Variants in CDH12 observed in about 807,000 individuals in gnomAD.
CDH12 encodes cadherin-12.
In CDH12, 41 loss-of-function variants were observed where a neutral mutation model predicts 74.1. The observed-to-expected ratio is 0.55, with a 90% confidence interval of 0.43 to 0.72. The LOEUF (loss-of-function observed/expected upper bound fraction) is 0.72. Among genes scored for constraint, CDH12 ranks in the 30% least tolerant of loss-of-function variants. The probability of loss-of-function intolerance (pLI) is 0.00; values close to 1 mark genes in which losing one functional copy is unlikely to be tolerated. For synonymous variants in CDH12, 399 were observed against 355.0 expected (o/e 1.12, Z -1.39); for missense variants, 945 against 977.2 (o/e 0.97, Z 0.44).
intron 2 of CDH12, among the ~76,000 whole-genome samples, chr5:22,429,953 AAG>A (rs1171645360): frequency 1.3e-5 from 2 of 152,196 alleles, no homozygotes; most frequent in African/African-American, 4.8e-5. Flanking sequence ...TGAAAGCTGA[AAG>A]AGATTAATAT....
At chr5:22,297,630 T>A (rs1473564095) in intron 3 of CDH12, among the ~76,000 whole-genome samples, 3 of 152,222 alleles carry the variant, frequency 2.0e-5, no homozygotes, top group Non-Finnish European at 4.4e-5. Flanking sequence ...TGTATTTGTA[T>A]TCCTAATTAA....
chr5:22,761,693 A>C (rs2127056572), intron 1 of CDH12, among the ~76,000 whole-genome samples: 1 of 152,288 alleles, frequency 6.6e-6, no homozygotes, highest in South Asian at 2.1e-4. Context: ...CATCTGGAAA[A>C]GCAATTTTTC....
intron 4 of CDH12, among the ~76,000 whole-genome samples, chr5:22,082,695 A>G (rs938737808): frequency 2.0e-5 from 3 of 152,352 alleles, no homozygotes; most frequent in African/African-American, 7.2e-5. Context: ...ATTCACCAAC[A>G]CATAAACAGT....
chr5:21,846,801 C>A (rs748436186), intron 7 of CDH12, among the ~76,000 whole-genome samples: 1 of 152,068 alleles, frequency 6.6e-6, no homozygotes, highest in East Asian at 1.9e-4. Context: ...CCTGGGGAGG[C>A]AAGTCCAGGC....
intron 1 of CDH12, among the ~76,000 whole-genome samples, chr5:22,618,778 T>C (rs192699206): frequency 4.2e-4 from 64 of 152,204 alleles, no homozygotes; most frequent in Non-Finnish European, 7.6e-4. Context: ...ATAATTCCCA[T>C]GTGTCATGGG....
intron 1 of CDH12, among the ~76,000 whole-genome samples, chr5:22,727,999 G>A (rs75085648): frequency 0.03 from 4,618 of 151,438 alleles, 101 homozygotes; most frequent in South Asian, 0.08. Flanking sequence ...ATAAATTTTA[G>A]TCAAAATTTT....
chr5:22,226,288 T>C (rs576356710), intron 3 of CDH12, among the ~76,000 whole-genome samples: 1 of 152,036 alleles, frequency 6.6e-6, no homozygotes, highest in African/African-American at 2.4e-5. Flanking sequence ...GTAATTAAGG[T>C]TATGGTTGAT....
intron 4 of CDH12, among the ~76,000 whole-genome samples, chr5:22,178,195 C>T (rs184082224): frequency 0.011 from 1,735 of 152,244 alleles, 34 homozygotes; most frequent in African/African-American, 0.039. Flanking sequence ...CTTTCTCATG[C>T]TAACTTCTAT....
chr5:22,112,734 A>G (rs1429827978), intron 4 of CDH12, among the ~76,000 whole-genome samples: 8 of 152,162 alleles, frequency 5.3e-5, no homozygotes, highest in African/African-American at 1.7e-4. Context: ...GGGAGGCATA[A>G]CAGTGTAATG....
intron 11 of CDH12, among the ~76,000 whole-genome samples, chr5:21,780,725 G>A (rs1745860241): frequency 6.6e-6 from 1 of 152,094 alleles, no homozygotes; most frequent in African/African-American, 2.4e-5. Context: ...AAGTAACATG[G>A]TTCACAGAGG....
chr5:22,661,831 TC>T (rs1561559820), intron 1 of CDH12, among the ~76,000 whole-genome samples: 1 of 151,958 alleles, frequency 6.6e-6, no homozygotes, highest in Non-Finnish European at 1.5e-5. Flanking sequence ...GCATGCTACC[TC>T]CCCTCACATC....
rs1580406237 is a variant in CDH12 at position 22,210,397 on chromosome 5, A to G, written c.-187+2101T>C. ...CTGTTACTAATTTTCAGTTGAACCCAAGATTTTCTTTATCCTCTTATCAGT... is the reference window on the plus strand; with the variant it reads ...CTGTTACTAATTTTCAGTTGAACCCGAGATTTTCTTTATCCTCTTATCAGT... On this transcript the variant is annotated intron_variant, in intron 4 of 14. Transcript: ENST00000382254. 2.7e-5 allele frequency among the ~76,000 whole-genome samples: 4 copies of G among 146,464 alleles called. No homozygotes were observed. The Admixed American group carries it at 2.8e-4, about 10-fold the overall frequency.
intron 1 of CDH12, among the ~76,000 whole-genome samples, chr5:22,805,188 A>C (rs1394666150): frequency 2.0e-5 from 3 of 152,172 alleles, no homozygotes; most frequent in Admixed American, 1.3e-4. Flanking sequence ...TTGGGAGACA[A>C]AAGGAATTAC....
intron 1 of CDH12, among the ~76,000 whole-genome samples, chr5:22,657,814 AAAGT>A (rs1296291334): frequency 6.6e-6 from 1 of 152,208 alleles, no homozygotes; most frequent in Non-Finnish European, 1.5e-5. Flanking sequence ...GAAGTAAAAG[AAAGT>A]AAGAAGCTTT....
At chr5:21,983,972 CTAAT>C (rs1230620367) in intron 5 of CDH12, among the ~76,000 whole-genome samples, 1 of 152,070 alleles carries the variant, frequency 6.6e-6, no homozygotes, top group Non-Finnish European at 1.5e-5. Context: ...TTTGAAAACT[CTAAT>C]TAGTCTGTGT....
At chr5:22,450,835 A>C (rs1174027032) in intron 2 of CDH12, among the ~76,000 whole-genome samples, 1 of 151,420 alleles carries the variant, frequency 6.6e-6, no homozygotes, top group Non-Finnish European at 1.5e-5. Flanking sequence ...TCCCTGCCAA[A>C]ATTCTCCTGT....
intron 1 of CDH12, among the ~76,000 whole-genome samples, chr5:22,712,929 T>A (rs1400117941): frequency 6.6e-6 from 1 of 152,094 alleles, no homozygotes; most frequent in African/African-American, 2.4e-5. Flanking sequence ...CAAGTTAGTT[T>A]TAAAATTTCC....
At chr5:22,411,608 A>G (rs1001092968) in intron 2 of CDH12, among the ~76,000 whole-genome samples, 9 of 152,210 alleles carry the variant, frequency 5.9e-5, no homozygotes, top group African/African-American at 2.2e-4. Flanking sequence ...AGAAAAATAC[A>G]TAAGCTGTAG....
intron 10 of CDH12, among the ~76,000 whole-genome samples, chr5:21,798,655 T>C (rs1005643513): frequency 6.6e-6 from 1 of 151,304 alleles, no homozygotes; most frequent in Non-Finnish European, 1.5e-5. Flanking sequence ...AGTGCCCTTC[T>C]AACCAAGACC....
Sources: allele counts gnomAD v4.1 joint callset (sites outside exome capture counted in the v4.1 genomes callset), GRCh38; gene constraint gnomAD v4.1.1; transcripts MANE v1.5; gene names NCBI Gene and HGNC (gene_info 2026-07-23, HGNC 2026-07-21).